The following REEP3 variants were observed in gnomAD, a reference collection of about 807,000 sequenced individuals.
The protein encoded by REEP3 is receptor accessory protein 3.
REEP3 carries 20 observed loss-of-function variants against 41.3 expected under a neutral mutation model. That is an observed-to-expected ratio of 0.48 (90% confidence interval 0.34 to 0.70). The LOEUF (loss-of-function observed/expected upper bound fraction) is 0.70. Among genes scored for constraint, REEP3 ranks in the 30% least tolerant of loss-of-function variants. REEP3 has a pLI of 0.01. For synonymous variants in REEP3, 104 were observed against 101.8 expected, an observed-to-expected ratio of 1.02 and a Z score of -0.13; for missense variants, 271 against 308.8, an observed-to-expected ratio of 0.88 and a Z score of 0.92.
At chr10:63,558,742 C>CAA (rs5785581) in intron 1 of REEP3, among the ~76,000 whole-genome samples, 3 of 151,114 alleles carry the variant, frequency 2.0e-5, no homozygotes, top group South Asian at 2.1e-4. Context: ...GACTCTGTGT[C>CAA]AAAAAAAATA....
rs189181563 is a variant in REEP3, at chr10:63,615,517, A to G, written c.566-4138A>G. 1.7e-3 allele frequency among the ~76,000 whole-genome samples: 265 copies of G among 151,764 alleles called. 1 individual carries two copies. The highest frequency in any genetic ancestry group is 2.9e-3 in the Non-Finnish European group (199 of 67,934). On this transcript the variant is annotated intron_variant, in intron 6 of 7. Transcript: ENST00000373758. ...CTAGTGTCTCTTCTCTCTTTGATTCAAGGATTGGTTTAATAAATTGCTAAA... is the reference window on the plus strand; with the variant it reads ...CTAGTGTCTCTTCTCTCTTTGATTCGAGGATTGGTTTAATAAATTGCTAAA...
At position 63,610,198 on chromosome 10, in the gene REEP3, A is replaced by T; in HGVS notation, c.429A>T (p.Ala143=). 1 of 1,610,396 alleles carries T rather than the reference A, an allele frequency of 6.2e-7. No individual in the cohort carries two copies. The highest frequency in any genetic ancestry group is 2.2e-5 in the East Asian group (1 of 44,874). ...TCTCTGTTAAATAGAGCCAAGGAGC[A>T]ATAACTGAACGTTTAAGAAGCTTCA... ...AVTAAVKSQG[A]ITERLRSFSM... The change falls in exon 6 of 8, where the codon GCA becomes GCT. Residue 143 remains alanine, a synonymous_variant. Coordinates refer to ENST00000373758, the MANE Select transcript of REEP3 (RefSeq NM_001001330.3).
chr10:63,557,007 C>G (rs1015626843), intron 1 of REEP3, among the ~76,000 whole-genome samples: 1 of 152,118 alleles, frequency 6.6e-6, no homozygotes, highest in Admixed American at 6.5e-5. Context: ...TTTGATTTCA[C>G]TAAATTCTGT....
At chr10:63,613,623 GA>G (rs1306125677) in intron 6 of REEP3, among the ~76,000 whole-genome samples, 1 of 152,158 alleles carries the variant, frequency 6.6e-6, no homozygotes, top group East Asian at 1.9e-4. Flanking sequence ...TAGGTGAAGA[GA>G]AGTTAAAAAT....
chr10:63,550,394 C>A (rs1991571), intron 1 of REEP3, among the ~76,000 whole-genome samples: 53,148 of 151,938 alleles, frequency 0.35, 10,089 homozygotes, highest in African/African-American at 0.47. Flanking sequence ...TTGAATATAT[C>A]AAATATAACT....
chr10:63,622,140 CTTA>C lies in REEP3; in HGVS notation c.*1276_*1278del, dbSNP rs1956358583. ...TTAGTGATCAGTAATCAAATTTGTA[CTTA>C]TTATGCTTGTTCAGGTAATTTACTT... On this transcript the variant is annotated 3_prime_UTR_variant, in exon 8 of 8. Transcript: ENST00000373758. The C allele has an allele frequency of 6.6e-6, 1 of 152,082 alleles. No homozygotes were observed. Among genetic ancestry groups the C allele is most frequent in the African/African-American group, 2.4e-5 (1 of 41,420 alleles). 9.4% of individuals were successfully genotyped at this position (152,082 alleles called of 1,614,324 possible). A position where few individuals can be genotyped will look rare whatever the true frequency, so the allele number is the denominator to read the frequency against.
At chr10:63,546,500 A>G (rs898343686) in intron 1 of REEP3, among the ~76,000 whole-genome samples, 5 of 152,230 alleles carry the variant, frequency 3.3e-5, no homozygotes, top group Non-Finnish European at 5.9e-5. Context: ...ATGTATATGG[A>G]AATGCAGAGG....
At chr10:63,553,000 T>C (rs1955643808) in intron 1 of REEP3, among the ~76,000 whole-genome samples, 1 of 152,260 alleles carries the variant, frequency 6.6e-6, no homozygotes, top group East Asian at 1.9e-4. Flanking sequence ...CAAGAGAACA[T>C]GGAGAATACT....
intron 6 of REEP3, among the ~76,000 whole-genome samples, chr10:63,615,452 C>A (rs1956304901): frequency 6.6e-6 from 1 of 151,912 alleles, no homozygotes; most frequent in Admixed American, 6.6e-5. Flanking sequence ...CCAAGCCCAG[C>A]CAGAAAATGT....
At chr10:63,594,706 C>A (rs1589881205) in intron 2 of REEP3, 72 bp from the exon 3 acceptor site, 1 of 902,530 alleles carries the variant, frequency 1.1e-6, no homozygotes. Flanking sequence ...GAAATACATA[C>A]ATACATACAT....
At chr10:63,571,829 G>T (rs537353556) in intron 2 of REEP3, among the ~76,000 whole-genome samples, 1 of 152,240 alleles carries the variant, frequency 6.6e-6, no homozygotes, top group East Asian at 1.9e-4. Flanking sequence ...AATTTACCTG[G>T]AGTCACATGG....
chr10:63,604,833 G>A (rs1303064297), intron 5 of REEP3, among the ~76,000 whole-genome samples: 1 of 152,152 alleles, frequency 6.6e-6, no homozygotes, highest in Non-Finnish European at 1.5e-5. Flanking sequence ...CAAATCATCT[G>A]CATTGATCTA....
rs1448312088 is a variant in REEP3 at position 63,545,898 on chromosome 10, G to A, written c.33-20440G>A. 5.3e-5 allele frequency among the ~76,000 whole-genome samples: 8 copies of A among 152,144 alleles called. No individual in the cohort carries two copies. In the South Asian group the frequency reaches 6.2e-4, roughly 12 times the overall value. On this transcript the variant is annotated intron_variant, in intron 1 of 7. Coordinates refer to ENST00000373758, the MANE Select transcript of REEP3 (RefSeq NM_001001330.3). ...TGGAATCAAATTTTCATTTAGTCTC[G>A]GGGTAACTTGCAATTTTAAATAAGG... is the stretch of plus-strand genomic sequence containing the variant.
intron 5 of REEP3, among the ~76,000 whole-genome samples, chr10:63,609,186 C>T (rs1490282125): frequency 2.0e-5 from 3 of 152,086 alleles, no homozygotes; most frequent in Non-Finnish European, 4.4e-5. Context: ...GGCACGGTGG[C>T]TCACGTCTGT....
At chr10:63,533,298 G>C (rs1955441670) in intron 1 of REEP3, among the ~76,000 whole-genome samples, 1 of 152,210 alleles carries the variant, frequency 6.6e-6, no homozygotes, top group Admixed American at 6.5e-5. Flanking sequence ...TCGTTCTTGA[G>C]TGTTGACATG....
At chr10:63,610,399 T>C (rs1956268650) in intron 6 of REEP3, 65 bp downstream of exon 6, 1 of 1,426,916 alleles carries the variant, frequency 7.0e-7, no homozygotes, top group Non-Finnish European at 9.5e-7. Context: ...CAACATACAC[T>C]GGGGCCTGTC....
At chr10:63,545,556 G>A (rs1485042535) in intron 1 of REEP3, among the ~76,000 whole-genome samples, 1 of 151,874 alleles carries the variant, frequency 6.6e-6, no homozygotes, top group African/African-American at 2.4e-5. Context: ...TGCATTTTTA[G>A]TAGAGACAGG....
At chr10:63,557,721 T>C (rs1955702641) in intron 1 of REEP3, among the ~76,000 whole-genome samples, 1 of 152,192 alleles carries the variant, frequency 6.6e-6, no homozygotes, top group African/African-American at 2.4e-5. Flanking sequence ...TTGAGAATTT[T>C]TTTTCCAAAT....
At chr10:63,537,630 C>T (rs747632829) in intron 1 of REEP3, among the ~76,000 whole-genome samples, 6 of 152,078 alleles carry the variant, frequency 3.9e-5, no homozygotes, top group Non-Finnish European at 8.8e-5. Flanking sequence ...ACTAAAGGGG[C>T]GAGCTTAGAG....
Sources: allele counts gnomAD v4.1 joint callset (sites outside exome capture counted in the v4.1 genomes callset), GRCh38; gene constraint gnomAD v4.1.1; transcripts MANE v1.5; gene names NCBI Gene and HGNC (gene_info 2026-07-23, HGNC 2026-07-21).